MBD5: variants seen among roughly 807,000 people sequenced by gnomAD.
MBD5 encodes methyl-CpG binding domain protein 5, also known as methyl-CpG-binding domain protein 5.
In MBD5, 13 loss-of-function variants were observed where a neutral mutation model predicts 117.3. The ratio of observed to expected loss-of-function variants is 0.11; its 90% CI spans 0.07 to 0.18. MBD5 has a LOEUF of 0.18. Ranked by LOEUF, MBD5 falls within the 10% of genes least tolerant of loss-of-function variation. The pLI is 1.00. For synonymous variants in MBD5, 727 were observed against 766.4 expected, an observed-to-expected ratio of 0.95 and a Z score of 0.85; for missense variants, 1,879 against 2,093.8, an observed-to-expected ratio of 0.90 and a Z score of 2.00.
chr2:148,497,244 T>A (rs558972356), intron 11 of MBD5, among the ~76,000 whole-genome samples: 1 of 152,218 alleles, frequency 6.6e-6, no homozygotes, highest in East Asian at 1.9e-4. Flanking sequence ...TCAATAAATA[T>A]TTATTAGGCA....
intron 4 of MBD5, among the ~76,000 whole-genome samples, chr2:148,364,897 A>T (rs975053733): frequency 1.3e-5 from 2 of 152,194 alleles, no homozygotes; most frequent in Non-Finnish European, 2.9e-5. Flanking sequence ...ATAGTGAGAG[A>T]CTTTCACACC....
chr2:148,246,459 A>C (rs936160453), intron 3 of MBD5, among the ~76,000 whole-genome samples: 23 of 152,256 alleles, frequency 1.5e-4, no homozygotes, highest in South Asian at 4.1e-4. Flanking sequence ...GAATTCATCT[A>C]CAGATAACTG....
intron 8 of MBD5, 126 bp from the exon 9 acceptor site, chr2:148,482,984 T>C (rs1437001993): frequency 2.0e-6 from 2 of 1,018,466 alleles, no homozygotes; most frequent in East Asian, 5.0e-5. Flanking sequence ...ATTAATCTAG[T>C]TACAATCAAT....
intron 3 of MBD5, among the ~76,000 whole-genome samples, chr2:148,249,671 T>C (rs1700419975): frequency 6.6e-6 from 1 of 152,232 alleles, no homozygotes; most frequent in African/African-American, 2.4e-5. Context: ...TATATCATTT[T>C]TGTGTTGATA....
chr2:148,113,175 T>G (rs1385970688), intron 1 of MBD5, among the ~76,000 whole-genome samples: 1 of 152,128 alleles, frequency 6.6e-6, no homozygotes, highest in Non-Finnish European at 1.5e-5. Context: ...TCACACAAAC[T>G]CCTAATACTT....
At position 148,282,434 on chromosome 2, in the gene MBD5, T is replaced by C. The variant is rs73013057; in HGVS notation, c.-680+49039T>C. ...ATATTTGCTTCCTGCATGACTCATCTTTTCAAAACCTTTGTTTCCTCATCT... is the reference window on the plus strand; with the variant it reads ...ATATTTGCTTCCTGCATGACTCATCCTTTCAAAACCTTTGTTTCCTCATCT... On this transcript the variant is annotated intron_variant, in intron 3 of 13. Coordinates refer to ENST00000642680, the MANE Select transcript of MBD5 (RefSeq NM_001378120.1). 5.6e-3 allele frequency among the ~76,000 whole-genome samples: 845 copies of C among 152,248 alleles called. 9 individuals are homozygous for C. The highest frequency in any genetic ancestry group is 0.02 in the African/African-American group (818 of 41,568).
Position 148,446,460 on chromosome 2 carries a change from G to A in MBD5, c.-556-11743G>A, listed in dbSNP as rs143984231. ...TATGAAGGGAAGACCTCAATGGTGA[G>A]AGGACCCTGTGGAGTAACTGTGGTC... On this transcript the variant is annotated intron_variant, in intron 4 of 13. Transcript: ENST00000642680. Among the ~76,000 whole-genome samples, 101 of 152,214 alleles carry A rather than the reference G, an allele frequency of 6.6e-4. 2 individuals carry two copies. In the East Asian group the frequency reaches 0.014, roughly 22 times the overall value.
intron 8 of MBD5, among the ~76,000 whole-genome samples, chr2:148,480,547 A>G (rs1328377504): frequency 6.6e-6 from 1 of 152,080 alleles, no homozygotes; most frequent in African/African-American, 2.4e-5. Flanking sequence ...AGTAAATAAG[A>G]CTTTTTATTT....
Position 148,382,108 on chromosome 2 carries a change from A to G in MBD5, c.-557+39772A>G, listed in dbSNP as rs531428801. 3.9e-5 allele frequency among the ~76,000 whole-genome samples: 6 copies of G among 152,266 alleles called. No individual in the cohort carries two copies. In the South Asian group the frequency reaches 1.2e-3, roughly 32 times the overall value. On this transcript the variant is annotated intron_variant, in intron 4 of 13. Coordinates refer to ENST00000642680, the MANE Select transcript of MBD5 (RefSeq NM_001378120.1). Reference sequence around the variant, plus strand: ...GACAGGATCAAATTCGCACATAACAATACTAACCTCAAATGTAAATGGGCT... The same window carrying G: ...GACAGGATCAAATTCGCACATAACAGTACTAACCTCAAATGTAAATGGGCT...
chr2:148,132,093 G>T (rs531567262), intron 1 of MBD5, among the ~76,000 whole-genome samples: 1 of 152,022 alleles, frequency 6.6e-6, no homozygotes, highest in East Asian at 1.9e-4. Flanking sequence ...ATTAAAATGA[G>T]AATAATTATG....
At chr2:148,277,339 A>G (rs186553065) in intron 3 of MBD5, among the ~76,000 whole-genome samples, 10 of 152,312 alleles carry the variant, frequency 6.6e-5, no homozygotes, top group Middle Eastern at 3.4e-3. Flanking sequence ...ATATCGTAGA[A>G]CTAATTCCTT....
At chr2:148,505,302 G>A (rs977873899) in intron 12 of MBD5, among the ~76,000 whole-genome samples, 1 of 152,164 alleles carries the variant, frequency 6.6e-6, no homozygotes, top group Non-Finnish European at 1.5e-5. Context: ...CTGGACATAC[G>A]TGTCTGAAAC....
chr2:148,324,058 T>C (rs1373896428), intron 3 of MBD5, among the ~76,000 whole-genome samples: 1 of 152,240 alleles, frequency 6.6e-6, no homozygotes, highest in Admixed American at 6.5e-5. Context: ...GCTTTTTACA[T>C]ATGGCTAGCC....
intron 2 of MBD5, among the ~76,000 whole-genome samples, chr2:148,201,306 G>A (rs1298725994): frequency 6.6e-6 from 1 of 152,158 alleles, no homozygotes; most frequent in Admixed American, 6.5e-5. Flanking sequence ...GACCAGGTGT[G>A]TTGCAAGTGA....
chr2:148,472,172 T>G (rs538176033), intron 8 of MBD5: 1 of 152,110 alleles, frequency 6.6e-6, no homozygotes, highest in South Asian at 2.1e-4. Flanking sequence ...TTTAGACTTA[T>G]TTAATACTGT....
intron 1 of MBD5, among the ~76,000 whole-genome samples, chr2:148,068,261 T>G (rs2105055981): frequency 6.6e-6 from 1 of 152,288 alleles, no homozygotes; most frequent in Non-Finnish European, 1.5e-5. Context: ...CTGCAGAGAC[T>G]CCTGCAGAAG....
intron 1 of MBD5, among the ~76,000 whole-genome samples, chr2:148,175,895 T>C (rs1341988282): frequency 2.6e-5 from 4 of 152,198 alleles, no homozygotes; most frequent in African/African-American, 7.2e-5. Flanking sequence ...TGTTAGCTAT[T>C]ATTTACTATA....
chr2:148,444,523 C>T (rs1706431001), intron 4 of MBD5, among the ~76,000 whole-genome samples: 1 of 151,130 alleles, frequency 6.6e-6, no homozygotes, highest in African/African-American at 2.5e-5. Context: ...TTGTTTACCA[C>T]CTAAAAATGA....
At chr2:148,506,656 GAAGATA>G (rs1482152726) in intron 12 of MBD5, among the ~76,000 whole-genome samples, 1 of 152,178 alleles carries the variant, frequency 6.6e-6, no homozygotes, top group Non-Finnish European at 1.5e-5. Flanking sequence ...AAAAATTAGT[GAAGATA>G]AAGATAATGT....
Sources: gnomAD v4.1 joint callset for allele counts (sites outside exome capture counted in the v4.1 genomes callset) on GRCh38, gnomAD v4.1.1 for gene constraint, MANE v1.5 for transcripts, NCBI Gene and HGNC (gene_info 2026-07-23, HGNC 2026-07-21) for gene names.